The following RNF220 variants were observed in gnomAD, a reference collection of about 807,000 sequenced individuals.
RNF220 encodes E3 ubiquitin-protein ligase RNF220.
In RNF220, 7 loss-of-function variants were observed where a neutral mutation model predicts 67.1. The ratio of observed to expected loss-of-function variants is 0.10; its 90% CI spans 0.06 to 0.20. RNF220 has a LOEUF of 0.20. Ranked by LOEUF, RNF220 falls within the 10% of genes least tolerant of loss-of-function variation. The probability of loss-of-function intolerance (pLI) is 1.00; values close to 1 mark genes in which losing one functional copy is unlikely to be tolerated. For synonymous variants in RNF220, 270 were observed against 283.2 expected (o/e 0.95, Z 0.47); for missense variants, 565 against 740.3 (o/e 0.76, Z 2.75).
intron 2 of RNF220, among the ~76,000 whole-genome samples, chr1:44,502,782 A>G (rs1020892810): frequency 5.3e-5 from 8 of 152,020 alleles, no homozygotes; most frequent in African/African-American, 1.9e-4. Context: ...TTATTATTTT[A>G]GAGACAGAGT....
chr1:44,502,889 T>C (rs1658051398), intron 2 of RNF220, among the ~76,000 whole-genome samples: 3 of 152,152 alleles, frequency 2.0e-5, no homozygotes, highest in African/African-American at 7.2e-5. Flanking sequence ...CTTCAGCCTC[T>C]CCAGTAGCTG....
At chr1:44,420,318 A>C (rs1649067374) in intron 2 of RNF220, among the ~76,000 whole-genome samples, 1 of 152,224 alleles carries the variant, frequency 6.6e-6, no homozygotes, top group Admixed American at 6.5e-5. Flanking sequence ...AGTGTGACTT[A>C]CCAGGCAAGA....
At chr1:44,444,797 C>T (rs1651915964) in intron 2 of RNF220, among the ~76,000 whole-genome samples, 1 of 151,640 alleles carries the variant, frequency 6.6e-6, no homozygotes, top group Non-Finnish European at 1.5e-5. Flanking sequence ...ATTTATAATT[C>T]TTTGGTTCTT....
chr1:44,598,044 T>A (rs964003183), intron 2 of RNF220, among the ~76,000 whole-genome samples: 2 of 145,680 alleles, frequency 1.4e-5, no homozygotes, highest in East Asian at 4.5e-4. Context: ...AGCCCCCTCA[T>A]GCCCCCTGCC....
At chr1:44,511,916 C>CGTGCGTGTGTGT (rs1553234667) in intron 2 of RNF220, among the ~76,000 whole-genome samples, 1 of 147,706 alleles carries the variant, frequency 6.8e-6, no homozygotes, top group Non-Finnish European at 1.5e-5. Context: ...CGTGTGTGTG[C>CGTGCGTGTGTGT]GTGTGTGTGT....
At chr1:44,520,126 T>TGAGAGAGA (rs1265566303) in intron 2 of RNF220, among the ~76,000 whole-genome samples, 18 of 132,898 alleles carry the variant, frequency 1.4e-4, no homozygotes, top group African/African-American at 4.9e-4. Context: ...TGTGTGTGTG[T>TGAGAGAGA]GTGAGAGAGA....
intron 2 of RNF220, among the ~76,000 whole-genome samples, chr1:44,602,898 G>A (rs1325713912): frequency 6.6e-6 from 1 of 151,946 alleles, no homozygotes; most frequent in Non-Finnish European, 1.5e-5. Flanking sequence ...CCTCCCTGTC[G>A]ACAGCGTGAT....
intron 2 of RNF220, among the ~76,000 whole-genome samples, chr1:44,559,347 C>CA (rs1407852379): frequency 6.6e-6 from 1 of 152,224 alleles, no homozygotes; most frequent in East Asian, 1.9e-4. Context: ...CAGCCAATAG[C>CA]CAGGATGCCA....
chr1:44,406,013 G>A (rs937426636), intron 1 of RNF220, among the ~76,000 whole-genome samples: 2 of 152,132 alleles, frequency 1.3e-5, no homozygotes, highest in Non-Finnish European at 2.9e-5. Flanking sequence ...TATGTACCCC[G>A]CGTTGATTTC....
At chr1:44,589,560 GC>G (rs55960836) in intron 2 of RNF220, among the ~76,000 whole-genome samples, 32,917 of 148,950 alleles carry the variant, frequency 0.22, 3,846 homozygotes, top group Middle Eastern at 0.3. Context: ...CTTGCAGTGA[GC>G]TGAGATCATG....
chr1:44,578,293 C>T (rs1353232837), intron 2 of RNF220, among the ~76,000 whole-genome samples: 7 of 151,856 alleles, frequency 4.6e-5, no homozygotes, highest in South Asian at 2.1e-4. Context: ...GGATTACAGG[C>T]GTGGGCCACC....
intron 2 of RNF220, among the ~76,000 whole-genome samples, chr1:44,490,660 A>C (rs1656776747): frequency 6.6e-6 from 1 of 152,026 alleles, no homozygotes. Flanking sequence ...TTATATTAAT[A>C]ACTTAACCTT....
At chr1:44,408,332 C>T (rs1490234963) in intron 1 of RNF220, among the ~76,000 whole-genome samples, 2 of 152,328 alleles carry the variant, frequency 1.3e-5, no homozygotes, top group East Asian at 3.9e-4. Flanking sequence ...AAATCTGGGA[C>T]CATACCCGGC....
At chr1:44,411,595 T>A (rs1463262107) in intron 1 of RNF220, among the ~76,000 whole-genome samples, 1 of 152,204 alleles carries the variant, frequency 6.6e-6, no homozygotes, top group African/African-American at 2.4e-5. Context: ...AGGCCTGCCA[T>A]GAGTGGTGGA....
chr1:44,639,535 G>A (rs1557470956), intron 8 of RNF220, among the ~76,000 whole-genome samples: 2 of 152,238 alleles, frequency 1.3e-5, no homozygotes, highest in Admixed American at 6.5e-5. Context: ...GGCGGTGACT[G>A]CGTTGCTAAA....
intron 2 of RNF220, among the ~76,000 whole-genome samples, chr1:44,492,554 T>G (rs1217454957): frequency 6.6e-5 from 10 of 152,232 alleles, no homozygotes; most frequent in Admixed American, 6.5e-4. Flanking sequence ...ACAAATGTGA[T>G]TTGTTCATAC....
intron 1 of RNF220, 28 bp from the exon 2 acceptor site, chr1:44,411,953 T>C: frequency 1.1e-6 from 1 of 894,952 alleles, no homozygotes; most frequent in Non-Finnish European, 1.7e-6. Flanking sequence ...TCCTCCCCCT[T>C]CTTTTTTTCT....
At chr1:44,421,424 T>C (rs1649199472) in intron 2 of RNF220, among the ~76,000 whole-genome samples, 1 of 152,172 alleles carries the variant, frequency 6.6e-6, no homozygotes, top group Non-Finnish European at 1.5e-5. Context: ...TTTTAAGTTA[T>C]ACAGACAGTT....
At chr1:44,631,795 G>A (rs766816372) in intron 5 of RNF220, 1 of 614,908 alleles carries the variant, frequency 1.6e-6, no homozygotes, top group Non-Finnish European at 2.0e-6. Context: ...GAAGGACTTC[G>A]CAGCCGCTAA....
Sources: allele counts gnomAD v4.1 joint callset (sites outside exome capture counted in the v4.1 genomes callset), GRCh38; gene constraint gnomAD v4.1.1; transcripts MANE v1.5; gene names NCBI Gene and HGNC (gene_info 2026-07-23, HGNC 2026-07-21).